PAK5: variants seen among roughly 807,000 people sequenced by gnomAD.
PAK5 encodes p21 (RAC1) activated kinase 5.
A neutral mutation model predicts 65.9 loss-of-function variants in PAK5; 16 were observed. That is an observed-to-expected ratio of 0.24 (90% CI 0.16 to 0.37). PAK5 has a LOEUF of 0.37. Among genes scored for constraint, PAK5 ranks in the 10% least tolerant of loss-of-function variants. The pLI, the probability that PAK5 is intolerant of heterozygous loss-of-function variation, is 1.00. For missense variants in PAK5, 785 were observed against 903.9 expected (o/e 0.87, Z 1.69); for synonymous variants, 371 against 354.9 (o/e 1.05, Z -0.51).
intron 1 of PAK5, among the ~76,000 whole-genome samples, chr20:9,827,987 A>G (rs1310194479): frequency 1.3e-5 from 2 of 152,098 alleles, no homozygotes; most frequent in Admixed American, 1.3e-4. Context: ...GTGCGCCACC[A>G]TGCCCAGCTA....
intron 1 of PAK5, among the ~76,000 whole-genome samples, chr20:9,771,225 T>C (rs1184449322): frequency 6.6e-6 from 1 of 152,140 alleles, no homozygotes; most frequent in Non-Finnish European, 1.5e-5. Flanking sequence ...AGAGATAAGA[T>C]ATTTTGACTC....
intron 2 of PAK5, among the ~76,000 whole-genome samples, chr20:9,669,826 G>A (rs1030192291): frequency 6.6e-6 from 1 of 151,828 alleles, no homozygotes; most frequent in African/African-American, 2.4e-5. Flanking sequence ...CAACGTGCAG[G>A]TTTGTTACAT....
chr20:9,710,443 TAGAC>T (rs779542763), intron 2 of PAK5, among the ~76,000 whole-genome samples: 83 of 152,180 alleles, frequency 5.5e-4, no homozygotes, highest in Non-Finnish European at 8.4e-4. Context: ...AAAACGCAAA[TAGAC>T]AGCATACCCT....
chr20:9,671,031 A>C (rs1442286784), intron 2 of PAK5, among the ~76,000 whole-genome samples: 1 of 152,174 alleles, frequency 6.6e-6, no homozygotes, highest in South Asian at 2.1e-4. Context: ...TAAATAGGGA[A>C]TCCTTTCCCC....
chr20:9,541,051 G>A (rs1329146677), intron 9 of PAK5, among the ~76,000 whole-genome samples: 1 of 152,092 alleles, frequency 6.6e-6, no homozygotes, highest in Non-Finnish European at 1.5e-5. Context: ...TCATTATTTA[G>A]ACTTAGTCCA....
chr20:9,736,794 C>T (rs986818376), intron 1 of PAK5, among the ~76,000 whole-genome samples: 25 of 152,248 alleles, frequency 1.6e-4, no homozygotes, highest in African/African-American at 5.8e-4. Flanking sequence ...GTCTGGTCTC[C>T]ATGTTATTTT....
chr20:9,821,075 G>T (rs1034483558), intron 1 of PAK5, among the ~76,000 whole-genome samples: 1 of 152,084 alleles, frequency 6.6e-6, no homozygotes, highest in Non-Finnish European at 1.5e-5. Context: ...TGTAAAACAG[G>T]TTTCCTGTCC....
At chr20:9,657,966 A>G (rs570941444) in intron 2 of PAK5, among the ~76,000 whole-genome samples, 35 of 152,318 alleles carry the variant, frequency 2.3e-4, no homozygotes, top group African/African-American at 8.2e-4. Context: ...TTTTACATCA[A>G]TGACACTAAT....
intron 2 of PAK5, among the ~76,000 whole-genome samples, chr20:9,681,308 A>G (rs1207479277): frequency 3.9e-5 from 6 of 152,084 alleles, no homozygotes; most frequent in Admixed American, 3.9e-4. Context: ...TAAGCAACAT[A>G]TGCTTCTTAT....
chr20:9,551,654 T>G (rs115384275), intron 7 of PAK5, among the ~76,000 whole-genome samples: 1 of 152,182 alleles, frequency 6.6e-6, no homozygotes, highest in Non-Finnish European at 1.5e-5. Flanking sequence ...TCTTGGCTAA[T>G]GCAAAAGGGG....
chr20:9,571,444 C>T (rs1401841560), intron 4 of PAK5, among the ~76,000 whole-genome samples: 1 of 152,216 alleles, frequency 6.6e-6, no homozygotes, highest in African/African-American at 2.4e-5. Context: ...CCAAGCAATG[C>T]AGGGCAAATA....
At chr20:9,718,701 A>C (rs1341909416) in intron 1 of PAK5, among the ~76,000 whole-genome samples, 1 of 152,202 alleles carries the variant, frequency 6.6e-6, no homozygotes, top group Non-Finnish European at 1.5e-5. Flanking sequence ...TTTTTAACCT[A>C]TTGTCTTTAC....
chr20:9,713,203 A>G (rs2048099269), intron 1 of PAK5, among the ~76,000 whole-genome samples: 1 of 152,120 alleles, frequency 6.6e-6, no homozygotes, highest in South Asian at 2.1e-4. Flanking sequence ...TGGACAAAAG[A>G]CCCAAATAGA....
chr20:9,564,556 A>G (rs925782309), intron 5 of PAK5, among the ~76,000 whole-genome samples: 1 of 152,236 alleles, frequency 6.6e-6, no homozygotes, highest in Non-Finnish European at 1.5e-5. Context: ...GACAGTCTCA[A>G]TGACGCTAGT....
intron 2 of PAK5, among the ~76,000 whole-genome samples, chr20:9,677,045 ATGTGTGTG>A (rs4053117): frequency 0.099 from 14,000 of 141,004 alleles, 742 homozygotes; most frequent in African/African-American, 0.16. Context: ...GGGTATGTGC[ATGTGTGTG>A]TGTGTGTGTG....
intron 3 of PAK5, among the ~76,000 whole-genome samples, chr20:9,619,133 G>A (rs1273511001): frequency 2.0e-5 from 3 of 151,484 alleles, no homozygotes; most frequent in African/African-American, 7.3e-5. Flanking sequence ...TTGTTGCCCA[G>A]CCTGGTCTGG....
chr20:9,540,795 GGT>G (rs2045249576), intron 9 of PAK5, among the ~76,000 whole-genome samples: 1 of 150,800 alleles, frequency 6.6e-6, no homozygotes, highest in Non-Finnish European at 1.5e-5. Flanking sequence ...GGAGTGCAGT[GGT>G]GCGATCTGGG....
chr20:9,556,288 C>T (rs577218723), intron 7 of PAK5, among the ~76,000 whole-genome samples: 68 of 152,286 alleles, frequency 4.5e-4, no homozygotes, highest in African/African-American at 1.6e-3. Flanking sequence ...CGGGAAAAAT[C>T]GGTAATGGGA....
At chr20:9,612,146 C>T (rs899418247) in intron 3 of PAK5, among the ~76,000 whole-genome samples, 1 of 152,138 alleles carries the variant, frequency 6.6e-6, no homozygotes, top group Admixed American at 6.5e-5. Flanking sequence ...CAGCAGACCC[C>T]CAAATCTAAT....
Sources: allele counts gnomAD v4.1 joint callset (sites outside exome capture counted in the v4.1 genomes callset), GRCh38; gene constraint gnomAD v4.1.1; transcripts MANE v1.5; gene names NCBI Gene and HGNC (gene_info 2026-07-23, HGNC 2026-07-21).